Variants in PCDHA10 observed in about 807,000 individuals in gnomAD.
PCDHA10 encodes the protein protocadherin alpha-10.
A neutral mutation model predicts 61.2 loss-of-function variants in PCDHA10; 45 were observed. That is an observed-to-expected ratio of 0.74 (90% CI 0.58 to 0.94). PCDHA10 has a LOEUF of 0.94. Ranked by LOEUF, PCDHA10 falls within the 40% of genes least tolerant of loss-of-function variation. The pLI is 0.00. For missense variants in PCDHA10, 1,278 were observed against 1,236.2 expected (o/e 1.03, Z -0.51); for synonymous variants, 602 against 548.8 (o/e 1.10, Z -1.35).
intron 1 of PCDHA10, chr5:140,869,729 A>C (rs1554163384): frequency 6.2e-7 from 1 of 1,613,280 alleles, no homozygotes; most frequent in Admixed American, 1.7e-5. Context: ...CCGGAACTTA[A>C]TTTGCTGCTA....
At chr5:140,945,761 G>T (rs2093839627) in intron 1 of PCDHA10, among the ~76,000 whole-genome samples, 1 of 152,118 alleles carries the variant, frequency 6.6e-6, no homozygotes, top group East Asian at 1.9e-4. Flanking sequence ...AATGGTGGTG[G>T]GACAATTTGA....
rs1192658029 is a variant in PCDHA10 at position 141,011,915 on chromosome 5, A to G, written c.*1978A>G. On this transcript the variant is annotated 3_prime_UTR_variant, in exon 4 of 4. Coordinates refer to ENST00000307360, the MANE Select transcript of PCDHA10 (RefSeq NM_018901.4). Reference sequence around the variant, plus strand: ...ATATTATCTATTTAGGCATTAATATAAAAGAGGTAGGAGTCTGTTATTTAA... The same window carrying G: ...ATATTATCTATTTAGGCATTAATATGAAAGAGGTAGGAGTCTGTTATTTAA... 1 of 153,728 alleles carries G rather than the reference A, an allele frequency of 6.5e-6. No homozygotes were observed. Among genetic ancestry groups the G allele is most frequent in the Admixed American group, 6.5e-5 (1 of 15,286 alleles). 9.5% of individuals were successfully genotyped at this position (153,728 alleles called of 1,614,324 possible). A position where few individuals can be genotyped will look rare whatever the true frequency, so the allele number is the denominator to read the frequency against.
intron 1 of PCDHA10, chr5:140,875,748 C>T (rs2055764549): frequency 6.2e-7 from 1 of 1,614,078 alleles, no homozygotes; most frequent in South Asian, 1.1e-5. Flanking sequence ...GGATCGACCG[C>T]GAGAAGCTGT....
chr5:140,999,406 G>C (rs1459713118), intron 3 of PCDHA10, among the ~76,000 whole-genome samples: 1 of 152,166 alleles, frequency 6.6e-6, no homozygotes, highest in Non-Finnish European at 1.5e-5. Context: ...GCATATGAAA[G>C]AATGGGAGCT....
At chr5:140,882,112 C>T (rs1399071152) in intron 1 of PCDHA10, 2 of 1,384,570 alleles carry the variant, frequency 1.4e-6, no homozygotes, top group Non-Finnish European at 1.9e-6. Flanking sequence ...CGAAGAAAGC[C>T]GCCGTTTCTT....
At chr5:140,895,647 C>A (rs954657912) in intron 1 of PCDHA10, among the ~76,000 whole-genome samples, 2 of 151,996 alleles carry the variant, frequency 1.3e-5, no homozygotes, top group African/African-American at 4.8e-5. Flanking sequence ...TTTTTAGCTC[C>A]CACTTATAAG....
At chr5:140,967,406 G>A in intron 1 of PCDHA10, 1 of 1,613,006 alleles carries the variant, frequency 6.2e-7, no homozygotes, top group Non-Finnish European at 8.5e-7. Flanking sequence ...GCTGCGTAAG[G>A]GCCTAGACCG....
intron 1 of PCDHA10, chr5:140,871,680 A>G: frequency 9.0e-7 from 1 of 1,108,842 alleles, no homozygotes; most frequent in Admixed American, 3.1e-5. Flanking sequence ...AATCATATGA[A>G]TAATCTGGCT....
At position 140,859,292 on chromosome 5, in the gene PCDHA10, CT is replaced by C. The variant is rs1226140670; in HGVS notation, c.2388+859del. 1.3e-3 allele frequency: 281 copies of C among 215,310 alleles called. 12 individuals are homozygous for C. Among genetic ancestry groups the C allele is most frequent in the African/African-American group, 6.4e-3 (274 of 42,824 alleles). 13.3% of individuals were successfully genotyped at this position (215,310 alleles called of 1,614,324 possible). A position where few individuals can be genotyped will look rare whatever the true frequency, so the allele number is the denominator to read the frequency against. ...CTTTTTACTTTTGAGACTGAAAATA[CT>C]TTAGTATGAATTAATATTAAAAGTT... On this transcript the variant is annotated intron_variant, in intron 1 of 3. Transcript: ENST00000307360.
rs1246166621 is a variant in PCDHA10 at position 140,856,524 on chromosome 5, C to A, written c.476C>A (p.Ala159Glu). The change falls in exon 1 of 4, where the codon GCG (alanine) becomes GAG (glutamate). Residue 159 changes from alanine to glutamate, a missense_variant. Coordinates refer to ENST00000307360, the MANE Select transcript of PCDHA10 (RefSeq NM_018901.4). ...SRFPLEGASDADVGENALLTY... is the reference protein window; with the variant it reads ...SRFPLEGASDEDVGENALLTY... ...TTTCCACTAGAAGGCGCATCTGATG[C>A]GGATGTTGGAGAGAACGCATTGCTT... The A allele has an allele frequency of 7.5e-6, 12 of 1,598,178 alleles. 1 individual carries two copies. The Middle Eastern group carries it at 1.2e-3, about 155-fold the overall frequency.
At position 141,007,395 on chromosome 5, in the gene PCDHA10, C is replaced by CA. The variant is rs35800918; in HGVS notation, c.2537-2209dup. 5.3e-3 allele frequency among the ~76,000 whole-genome samples: 498 copies of CA among 94,810 alleles called. 4 individuals carry two copies. The highest frequency in any genetic ancestry group is 0.049 in the East Asian group (166 of 3,398). 62.2% of individuals were successfully genotyped at this position (94,810 alleles called of 152,430 possible). On this transcript the variant is annotated intron_variant, in intron 3 of 3. Transcript: ENST00000307360. The stretch of plus-strand genomic sequence containing the variant: ...ATGGAACACCATCTCTACTAAAATA[C>CA]AAAAAAAAAAAAAAAAAAAAAAATT...
At chr5:140,904,859 T>C (rs1294164011) in intron 1 of PCDHA10, among the ~76,000 whole-genome samples, 8 of 152,242 alleles carry the variant, frequency 5.3e-5, no homozygotes, top group Non-Finnish European at 1.2e-4. Flanking sequence ...GAGAATTGTC[T>C]GTTTATGTCC....
intron 1 of PCDHA10, among the ~76,000 whole-genome samples, chr5:140,879,152 A>C (rs1369330748): frequency 6.6e-6 from 1 of 152,210 alleles, no homozygotes; most frequent in African/African-American, 2.4e-5. Context: ...CAGGAAAGCT[A>C]TTTCTTTTTT....
At chr5:140,864,373 TAA>T (rs1207632407) in intron 1 of PCDHA10, 1 of 152,248 alleles carries the variant, frequency 6.6e-6, no homozygotes, top group Non-Finnish European at 1.5e-5. Context: ...CTATAATCGA[TAA>T]GTTTATCTCT....
intron 1 of PCDHA10, among the ~76,000 whole-genome samples, chr5:140,888,663 T>C (rs1278510364): frequency 6.6e-6 from 1 of 152,194 alleles, no homozygotes; most frequent in Non-Finnish European, 1.5e-5. Context: ...CACCACCTAA[T>C]GCCCTGTGCA....
chr5:140,867,485 T>C (rs1329188157), intron 1 of PCDHA10: 1 of 152,044 alleles, frequency 6.6e-6, no homozygotes, highest in Non-Finnish European at 1.5e-5. Context: ...AAAGAGTAAA[T>C]ATGAAAAAAG....
Position 140,956,868 on chromosome 5 carries a change from G to A in PCDHA10, c.2389-22081G>A, listed in dbSNP as rs1161897507. Among the ~76,000 whole-genome samples, 4 of 152,082 alleles carry A rather than the reference G, an allele frequency of 2.6e-5. No individual in the cohort carries two copies. In the South Asian group the frequency reaches 8.3e-4, roughly 32 times the overall value. On this transcript the variant is annotated intron_variant, in intron 1 of 3. Transcript: ENST00000307360. ...GGGTTAAATGGTTGAATGAATGTGT[G>A]AAAAGTTAGATATCAATGAATGAAT...
At chr5:140,906,966 G>A (rs1401949243) in intron 1 of PCDHA10, among the ~76,000 whole-genome samples, 5 of 152,120 alleles carry the variant, frequency 3.3e-5, no homozygotes, top group African/African-American at 1.2e-4. Context: ...TGGAATCGTG[G>A]TTGTGTCTTC....
At chr5:140,882,365 T>C (rs141224516) in intron 1 of PCDHA10, 1 of 1,614,208 alleles carries the variant, frequency 6.2e-7, no homozygotes, top group Non-Finnish European at 8.5e-7. Context: ...CCAGCTCCAC[T>C]ACTCCGTCCC....
Sources: gnomAD v4.1 joint callset for allele counts (sites outside exome capture counted in the v4.1 genomes callset) on GRCh38, gnomAD v4.1.1 for gene constraint, MANE v1.5 for transcripts, NCBI Gene and HGNC (gene_info 2026-07-23, HGNC 2026-07-21) for gene names.